SUFU: variants seen among roughly 807,000 people sequenced by gnomAD.
SUFU encodes SUFU negative regulator of hedgehog signaling.
Under a neutral mutation model 58.9 loss-of-function variants are expected in SUFU, and 7 were observed. The ratio of observed to expected loss-of-function variants is 0.12; its 90% CI spans 0.07 to 0.22. The LOEUF (loss-of-function observed/expected upper bound fraction) is 0.22, where lower values mean the gene tolerates loss of function less well. Among genes scored for constraint, SUFU ranks in the 10% least tolerant of loss-of-function variants. The probability of loss-of-function intolerance (pLI) is 1.00; values close to 1 mark genes in which losing one functional copy is unlikely to be tolerated. For missense variants in SUFU, 451 were observed against 641.3 expected, an observed-to-expected ratio of 0.70 and a Z score of 3.20; for synonymous variants, 232 against 254.8, an observed-to-expected ratio of 0.91 and a Z score of 0.85.
intron 2 of SUFU, among the ~76,000 whole-genome samples, chr10:102,528,986 T>C (rs2135690384): frequency 1.8e-5 from 2 of 110,176 alleles, no homozygotes; most frequent in Non-Finnish European, 3.6e-5. Context: ...TTTAAGATTA[T>C]ATAAAATTGA....
chr10:102,549,889 A>T, intron 2 of SUFU, 81 bp from the exon 3 acceptor site: 1 of 1,574,950 alleles, frequency 6.3e-7, no homozygotes, highest in Non-Finnish European at 8.7e-7. Flanking sequence ...CACCATAAAA[A>T]GGGGGAGAAC....
intron 3 of SUFU, among the ~76,000 whole-genome samples, chr10:102,562,961 G>A (rs1381230960): frequency 6.6e-6 from 1 of 152,176 alleles, no homozygotes; most frequent in Non-Finnish European, 1.5e-5. Flanking sequence ...AACCTGTGCG[G>A]TGGGTAGCGT....
intron 2 of SUFU, among the ~76,000 whole-genome samples, chr10:102,542,364 C>T (rs972952773): frequency 7.9e-5 from 12 of 151,884 alleles, no homozygotes; most frequent in Admixed American, 7.9e-4. Flanking sequence ...AACTCCTGAC[C>T]TCATGATCCG....
chr10:102,535,498 A>G (rs951959857), intron 2 of SUFU, among the ~76,000 whole-genome samples: 1 of 151,038 alleles, frequency 6.6e-6, no homozygotes, highest in African/African-American at 2.4e-5. Flanking sequence ...AAAAAAAAAA[A>G]GAGAAAGAAA....
rs1337724601 is a variant in SUFU, at chr10:102,593,618, T to C, written c.598-18T>C. 4 of 1,614,106 alleles carry C rather than the reference T, an allele frequency of 2.5e-6. No individual in the cohort carries two copies. The highest frequency in any genetic ancestry group is 3.3e-5 in the Admixed American group (2 of 60,036). ...GGTGGCCATTAACACACAATGGGCT[T>C]TCTATCCTGGGCCTCAGATCGTTGG... On this transcript the variant is annotated intron_variant, in intron 4 of 11. Transcript: ENST00000369902.
intron 10 of SUFU, 118 bp from the exon 11 acceptor site, chr10:102,627,057 C>CAGAT (rs1413758794): frequency 2.0e-5 from 22 of 1,113,844 alleles, no homozygotes; most frequent in Non-Finnish European, 2.7e-5. Context: ...GTCCCTTGAA[C>CAGAT]AGATCACAGT....
At chr10:102,506,454 C>A (rs182754523) in intron 1 of SUFU, among the ~76,000 whole-genome samples, 132 of 152,268 alleles carry the variant, frequency 8.7e-4, no homozygotes, top group Middle Eastern at 6.8e-3. Flanking sequence ...TCTTGGCTTA[C>A]TGCAACCTCT....
intron 10 of SUFU, among the ~76,000 whole-genome samples, chr10:102,623,363 G>T (rs567993975): frequency 6.6e-5 from 10 of 152,330 alleles, no homozygotes; most frequent in African/African-American, 2.4e-4. Context: ...GCATTGGTTT[G>T]CCTTCCTTTT....
intron 3 of SUFU, among the ~76,000 whole-genome samples, chr10:102,560,558 G>C (rs983485035): frequency 5.3e-5 from 8 of 152,006 alleles, no homozygotes; most frequent in South Asian, 2.1e-4. Context: ...ATGGGTGATA[G>C]AGCAAGACTC....
chr10:102,504,530 G>T (rs1449041694), intron 1 of SUFU, among the ~76,000 whole-genome samples, 196 bp downstream of exon 1: 1 of 151,916 alleles, frequency 6.6e-6, no homozygotes, highest in Non-Finnish European at 1.5e-5. Context: ...GAGCCCGTGG[G>T]TACTGAGGGG....
intron 2 of SUFU, among the ~76,000 whole-genome samples, chr10:102,539,160 G>GT (rs1443828529): frequency 1.3e-5 from 2 of 152,180 alleles, no homozygotes; most frequent in African/African-American, 2.4e-5. Context: ...TGACTCCAGA[G>GT]TCTTTTTTAG....
intron 2 of SUFU, among the ~76,000 whole-genome samples, chr10:102,510,283 C>T (rs1197054525): frequency 1.3e-5 from 2 of 151,970 alleles, no homozygotes; most frequent in South Asian, 2.1e-4. Context: ...GATCTTGGCT[C>T]ACTGCAAGCT....
chr10:102,627,446 T>C (rs2063796098), intron 11 of SUFU, among the ~76,000 whole-genome samples: 2 of 152,218 alleles, frequency 1.3e-5, no homozygotes, highest in South Asian at 4.1e-4. Flanking sequence ...CTCTTCTGTT[T>C]CTATGCACCC....
intron 3 of SUFU, among the ~76,000 whole-genome samples, chr10:102,562,004 T>TTCCAGGAA (rs962601664): frequency 2.6e-5 from 4 of 151,984 alleles, no homozygotes; most frequent in Non-Finnish European, 5.9e-5. Flanking sequence ...CAGTTTAGAG[T>TTCCAGGAA]TCCAGGAATC....
intron 8 of SUFU, among the ~76,000 whole-genome samples, chr10:102,602,682 C>T (rs528962197): frequency 1.3e-5 from 2 of 152,344 alleles, no homozygotes; most frequent in Admixed American, 1.3e-4. Flanking sequence ...GGATTTCTTT[C>T]CATTTTGAGG....
At chr10:102,586,566 G>A (rs1590055829) in intron 3 of SUFU, among the ~76,000 whole-genome samples, 2 of 152,060 alleles carry the variant, frequency 1.3e-5, no homozygotes, top group South Asian at 4.1e-4. Flanking sequence ...CCAGCTACTC[G>A]GGAGGCTGAG....
At chr10:102,576,787 A>G (rs1007598024) in intron 3 of SUFU, among the ~76,000 whole-genome samples, 1 of 152,098 alleles carries the variant, frequency 6.6e-6, no homozygotes, top group Non-Finnish European at 1.5e-5. Context: ...AGCTCACTGT[A>G]ACCTGGAATG....
intron 2 of SUFU, among the ~76,000 whole-genome samples, chr10:102,517,587 A>G (rs1404559250): frequency 6.6e-6 from 1 of 152,114 alleles, no homozygotes; most frequent in Admixed American, 6.5e-5. Context: ...CCTCTCCCTT[A>G]TCCACCTTTC....
At chr10:102,541,715 T>TTTTTTTC (rs2062802547) in intron 2 of SUFU, among the ~76,000 whole-genome samples, 1 of 137,946 alleles carries the variant, frequency 7.2e-6, no homozygotes, top group African/African-American at 2.7e-5. Context: ...TTTTTTTTTT[T>TTTTTTTC]TTTTTTCCTT....
Sources: allele counts gnomAD v4.1 joint callset (sites outside exome capture counted in the v4.1 genomes callset), GRCh38; gene constraint gnomAD v4.1.1; transcripts MANE v1.5; gene names NCBI Gene and HGNC (gene_info 2026-07-23, HGNC 2026-07-21).